Variants in CNTN5 observed in about 807,000 individuals in gnomAD.
The protein encoded by CNTN5 is contactin 5.
In CNTN5, 77 loss-of-function variants were observed where a neutral mutation model predicts 129.1. That is an observed-to-expected ratio of 0.60 (90% CI 0.50 to 0.72). The LOEUF (loss-of-function observed/expected upper bound fraction) is 0.72, where lower values mean the gene tolerates loss of function less well. Ranked by LOEUF, CNTN5 falls within the 30% of genes least tolerant of loss-of-function variation. The pLI is 0.00. For synonymous variants in CNTN5, 509 were observed against 465.6 expected, an observed-to-expected ratio of 1.09 and a Z score of -1.20; for missense variants, 1,478 against 1,328.8, an observed-to-expected ratio of 1.11 and a Z score of -1.75.
At chr11:99,949,194 T>A (rs939072954) in intron 7 of CNTN5, among the ~76,000 whole-genome samples, 5 of 152,154 alleles carry the variant, frequency 3.3e-5, no homozygotes, top group Non-Finnish European at 7.3e-5. Flanking sequence ...CTGACTCTAT[T>A]TCTATAAACC....
At chr11:100,094,318 T>TAAGA (rs1025737966) in intron 13 of CNTN5, among the ~76,000 whole-genome samples, 2 of 152,068 alleles carry the variant, frequency 1.3e-5, no homozygotes, top group African/African-American at 4.8e-5. Context: ...TCCAACTGGG[T>TAAGA]AAGAACTCAT....
rs184509420 is a variant in CNTN5 at position 99,625,944 on chromosome 11, A to G, written c.55+69675A>G. ...TATATACACACACACACACACACACATAAATCTAATGAAATTTAGGATTAA... is the reference window on the plus strand; with the variant it reads ...TATATACACACACACACACACACACGTAAATCTAATGAAATTTAGGATTAA... On this transcript the variant is annotated intron_variant, in intron 3 of 24. Transcript: ENST00000524871. Among the ~76,000 whole-genome samples the G allele has an allele frequency of 4.8e-3, 724 of 151,696 alleles. 27 individuals are homozygous for G. The highest frequency in any genetic ancestry group is 0.042 in the Admixed American group (639 of 15,160).
At chr11:99,185,119 C>A (rs1858274931) in intron 1 of CNTN5, among the ~76,000 whole-genome samples, 1 of 150,934 alleles carries the variant, frequency 6.6e-6, no homozygotes, top group African/African-American at 2.4e-5. Flanking sequence ...AGAAAAAAAG[C>A]CAAAAATTCA....
At chr11:99,066,411 A>C (rs1241335603) in intron 1 of CNTN5, among the ~76,000 whole-genome samples, 3 of 152,088 alleles carry the variant, frequency 2.0e-5, no homozygotes, top group Non-Finnish European at 4.4e-5. Flanking sequence ...GCAAGCTAAT[A>C]TTTATTCTAA....
intron 1 of CNTN5, among the ~76,000 whole-genome samples, chr11:99,038,761 C>T (rs767257535): frequency 6.6e-6 from 1 of 151,784 alleles, no homozygotes; most frequent in Non-Finnish European, 1.5e-5. Context: ...TATTATTTTA[C>T]AATCTCTTAT....
intron 3 of CNTN5, among the ~76,000 whole-genome samples, chr11:99,733,743 G>A (rs1029533805): frequency 2.0e-5 from 3 of 152,102 alleles, no homozygotes; most frequent in Non-Finnish European, 2.9e-5. Context: ...TAACACAGTC[G>A]CCAATTAAGT....
intron 4 of CNTN5, among the ~76,000 whole-genome samples, chr11:99,824,045 A>G (rs2135575581): frequency 6.6e-6 from 1 of 152,166 alleles, no homozygotes; most frequent in African/African-American, 2.4e-5. Flanking sequence ...GGACTCAATT[A>G]CAGTTTCTTT....
At chr11:99,681,624 A>G (rs183272603) in intron 3 of CNTN5, among the ~76,000 whole-genome samples, 55 of 152,208 alleles carry the variant, frequency 3.6e-4, no homozygotes, top group African/African-American at 1.2e-3. Flanking sequence ...TGAATTTTAT[A>G]AGCACTGGAT....
chr11:100,338,783 C>G (rs1290080078), intron 21 of CNTN5, among the ~76,000 whole-genome samples: 4 of 152,172 alleles, frequency 2.6e-5, no homozygotes, highest in African/African-American at 7.2e-5. Flanking sequence ...TGGCAGTGCC[C>G]AGGTGGTGCT....
intron 6 of CNTN5, among the ~76,000 whole-genome samples, chr11:99,882,050 G>A (rs1221883824): frequency 6.6e-6 from 1 of 152,110 alleles, no homozygotes; most frequent in Non-Finnish European, 1.5e-5. Context: ...ATTGTGGAGA[G>A]GCATATAACC....
chr11:99,110,875 G>C (rs1392419877), intron 1 of CNTN5, among the ~76,000 whole-genome samples: 3 of 152,114 alleles, frequency 2.0e-5, no homozygotes, highest in African/African-American at 7.2e-5. Context: ...GATAGAAATA[G>C]ATCCATCATT....
Position 99,193,454 on chromosome 11 carries a change from A to G in CNTN5, c.-209-131892A>G, listed in dbSNP as rs188706082. Among the ~76,000 whole-genome samples the G allele has an allele frequency of 1.2e-4, 18 of 152,266 alleles. No homozygotes were observed. In the East Asian group the frequency reaches 2.1e-3, roughly 18 times the overall value. On this transcript the variant is annotated intron_variant, in intron 1 of 24. Coordinates refer to ENST00000524871, the MANE Select transcript of CNTN5 (RefSeq NM_014361.4). Reference sequence around the variant, plus strand: ...GACCCTGGCCTTATGTGCAGCAGATAGGCACAGTTGTCTTGTTGATAAATC... The same window carrying G: ...GACCCTGGCCTTATGTGCAGCAGATGGGCACAGTTGTCTTGTTGATAAATC...
intron 3 of CNTN5, among the ~76,000 whole-genome samples, chr11:99,630,263 T>C (rs973977894): frequency 6.6e-6 from 1 of 151,386 alleles, no homozygotes; most frequent in Non-Finnish European, 1.5e-5. Flanking sequence ...TATATATATA[T>C]ATATATGTAT....
chr11:100,029,260 C>T (rs922833035), intron 9 of CNTN5, among the ~76,000 whole-genome samples: 1 of 152,158 alleles, frequency 6.6e-6, no homozygotes, highest in African/African-American at 2.4e-5. Flanking sequence ...GCCATAGTGA[C>T]TTTAAATCAC....
At chr11:99,388,216 C>G (rs188763215) in intron 2 of CNTN5, among the ~76,000 whole-genome samples, 40 of 151,722 alleles carry the variant, frequency 2.6e-4, no homozygotes, top group Admixed American at 7.2e-4. Context: ...AGGAGTTTGA[C>G]ACCAGCCTGG....
At chr11:100,236,738 T>C (rs2138667180) in intron 16 of CNTN5, among the ~76,000 whole-genome samples, 2 of 152,294 alleles carry the variant, frequency 1.3e-5, no homozygotes, top group Middle Eastern at 6.8e-3. Flanking sequence ...CCCGAAGCTA[T>C]GCAGAGCCTT....
At chr11:99,218,315 T>C (rs746361) in intron 1 of CNTN5, among the ~76,000 whole-genome samples, 22,300 of 152,108 alleles carry the variant, frequency 0.15, 1,963 homozygotes, top group East Asian at 0.33. Flanking sequence ...TTTAAGTTAC[T>C]TTTGAGCCAA....
intron 13 of CNTN5, among the ~76,000 whole-genome samples, chr11:100,078,919 T>C (rs1039223375): frequency 1.3e-5 from 2 of 152,138 alleles, no homozygotes; most frequent in Non-Finnish European, 2.9e-5. Context: ...GAAAGAGGTT[T>C]GATTGACTCA....
intron 18 of CNTN5, among the ~76,000 whole-genome samples, chr11:100,295,427 A>G (rs1951081127): frequency 6.6e-6 from 1 of 151,498 alleles, no homozygotes; most frequent in Admixed American, 6.6e-5. Flanking sequence ...AATTTTCCCC[A>G]AAATGTTCAC....
Sources: allele counts gnomAD v4.1 joint callset (sites outside exome capture counted in the v4.1 genomes callset), GRCh38; gene constraint gnomAD v4.1.1; transcripts MANE v1.5; gene names NCBI Gene and HGNC (gene_info 2026-07-23, HGNC 2026-07-21).